Variants in PPIE observed in about 807,000 individuals in gnomAD.
The protein encoded by PPIE is peptidyl-prolyl cis-trans isomerase E.
A neutral mutation model predicts 38.4 loss-of-function variants in PPIE; 20 were observed. That is an observed-to-expected ratio of 0.52 (90% CI 0.37 to 0.76). The LOEUF is 0.76. Among genes scored for constraint, PPIE ranks in the 30% least tolerant of loss-of-function variants. The pLI is 0.00. For missense variants in PPIE, 322 were observed against 385.8 expected, an observed-to-expected ratio of 0.83 and a Z score of 1.39; for synonymous variants, 142 against 135.7, an observed-to-expected ratio of 1.05 and a Z score of -0.32.
rs751591550 is a variant in PPIE, at chr1:39,745,507, G to A, written c.508+9G>A. On this transcript the variant is annotated intron_variant, in intron 7 of 9. Transcript: ENST00000324379. ...CGTGCCCATGACAGCAGGTGAGCAG[G>A]ACGCTGTGGTCAGAACGGCGGGACG... is the stretch of plus-strand genomic sequence containing the variant. 2.5e-6 allele frequency: 4 copies of A among 1,614,094 alleles called. No homozygotes were observed. The highest frequency in any genetic ancestry group is 2.2e-5 in the East Asian group (1 of 44,900).
At position 39,755,616 on chromosome 1, in the gene PPIE, AGT is replaced by A; in HGVS notation, c.*2266_*2267del. 1.0e-6 allele frequency: 1 copy of A among 985,348 alleles called. No individual in the cohort carries two copies. The highest frequency in any genetic ancestry group is 1.2e-6 in the Non-Finnish European group (1 of 829,906). 61.0% of individuals were successfully genotyped at this position (985,348 alleles called of 1,614,324 possible). On this transcript the variant is annotated 3_prime_UTR_variant, in exon 10 of 10. Coordinates refer to ENST00000324379, the MANE Select transcript of PPIE (RefSeq NM_006112.4). ...AGTGCTTGGACGAGAACCAGGAGAG[AGT>A]GTGTAGAAAAAGCACAGCCAGCCTC...
chr1:39,755,337 T>C lies in PPIE; in HGVS notation c.*1982T>C. On this transcript the variant is annotated 3_prime_UTR_variant, in exon 10 of 10. Coordinates refer to ENST00000324379, the MANE Select transcript of PPIE (RefSeq NM_006112.4). ...CCCTAGGATAGCTCTTGCTGAGGGA[T>C]GGTGGCATTCTGCCCTACCTCTGGC... 2 of 985,462 alleles carry C rather than the reference T, an allele frequency of 2.0e-6. No homozygotes were observed. Among genetic ancestry groups the C allele is most frequent in the Non-Finnish European group, 2.4e-6 (2 of 829,936 alleles). The allele number at this position is 985,462 out of a possible 1,614,324, so 61.0% of individuals were successfully genotyped here.
chr1:39,760,443 C>T, downstream of PPIE: 1 of 1,614,112 alleles, frequency 6.2e-7, no homozygotes, highest in South Asian at 1.1e-5. Context: ...AGGCCTTGAC[C>T]ACCATGTTGC....
At chr1:39,760,379 A>G (rs1648770389), downstream of PPIE, 1 of 1,610,864 alleles carries the variant, frequency 6.2e-7, no homozygotes, top group Non-Finnish European at 8.5e-7. Context: ...GGCCCGATCC[A>G]GATGAGAAGG....
In PPIE at chr1:39,753,900, C is replaced by T. The variant is rs768379391; in HGVS notation, c.*545C>T. The T allele has an allele frequency of 4.6e-5, 45 of 985,320 alleles. No individual in the cohort carries two copies. The highest frequency in any genetic ancestry group is 5.2e-5 in the Non-Finnish European group (43 of 829,936). The allele number at this position is 985,320 out of a possible 1,614,324, so 61.0% of individuals were successfully genotyped here. On this transcript the variant is annotated 3_prime_UTR_variant, in exon 10 of 10. Transcript: ENST00000324379. ...ATGTCAGGGCAACGGAAATTAAAGA[C>T]TGGAAAGCTCCGGTCTTCTGCTGCC... is the stretch of plus-strand genomic sequence containing the variant.
chr1:39,741,033 A>G (rs1001988828), intron 2 of PPIE, among the ~76,000 whole-genome samples: 1 of 152,182 alleles, frequency 6.6e-6, no homozygotes, highest in African/African-American at 2.4e-5. Context: ...ATATATTTAG[A>G]TAGATAATTG....
chr1:39,743,098 A>G (rs1647102377), intron 4 of PPIE, 118 bp from the exon 5 acceptor site: 1 of 846,618 alleles, frequency 1.2e-6, no homozygotes, highest in African/African-American at 1.7e-5. Context: ...GCTTACTGGT[A>G]GAGGCCCAGG....
Position 39,753,743 on chromosome 1 carries a change from T to G in PPIE, c.*388T>G. On this transcript the variant is annotated 3_prime_UTR_variant, in exon 10 of 10. Transcript: ENST00000324379. The stretch of plus-strand genomic sequence containing the variant: ...TTCTTGGGAGTTGTCAGAGATTGTG[T>G]CTGTGGCTAAGCTGGACCTCTGAGG... 9.8e-7 allele frequency: 1 copy of G among 1,023,878 alleles called. No homozygotes were observed. The highest frequency in any genetic ancestry group is 1.2e-6 in the Non-Finnish European group (1 of 854,144). 63.4% of individuals were successfully genotyped at this position (1,023,878 alleles called of 1,614,324 possible).
intron 9 of PPIE, chr1:39,763,576 G>C: frequency 7.7e-7 from 1 of 1,305,052 alleles, no homozygotes; most frequent in Non-Finnish European, 1.0e-6. Context: ...TCTCACTTTA[G>C]AAAACTTGGA....
chr1:39,754,572 A>G lies in PPIE; in HGVS notation c.*1217A>G, dbSNP rs754043248. Among the ~76,000 whole-genome samples the G allele has an allele frequency of 1.3e-4, 20 of 152,184 alleles. No individual in the cohort carries two copies. Among genetic ancestry groups the G allele is most frequent in the Non-Finnish European group, 2.2e-4 (15 of 68,036 alleles). On this transcript the variant is annotated 3_prime_UTR_variant, in exon 10 of 10. Coordinates refer to ENST00000324379, the MANE Select transcript of PPIE (RefSeq NM_006112.4). ...ACTGACTTAAATATTAATCCATCTAAAAAATAGGCCAGGCATGGTGGCTCA... is the reference window on the plus strand; with the variant it reads ...ACTGACTTAAATATTAATCCATCTAGAAAATAGGCCAGGCATGGTGGCTCA...
At position 39,753,384 on chromosome 1, in the gene PPIE, C is replaced by T. The variant is rs1294275772; in HGVS notation, c.*29C>T. 1.2e-6 allele frequency: 2 copies of T among 1,609,176 alleles called. No homozygotes were observed. The highest frequency in any genetic ancestry group is 2.2e-5 in the South Asian group (2 of 90,232). ...GGCACTCTCTCTGCTTCCCCCTCCGCTCTTGACCCTGCATATCCAGGAAGG... is the reference window on the plus strand; with the variant it reads ...GGCACTCTCTCTGCTTCCCCCTCCGTTCTTGACCCTGCATATCCAGGAAGG... On this transcript the variant is annotated 3_prime_UTR_variant, in exon 10 of 10. Coordinates refer to ENST00000324379, the MANE Select transcript of PPIE (RefSeq NM_006112.4).
In PPIE at chr1:39,754,598, T is replaced by G. The variant is rs1251139609; in HGVS notation, c.*1243T>G. ...AAAATAGGCCAGGCATGGTGGCTCA[T>G]GCCTATAATTCCACCACTATTGGGA... On this transcript the variant is annotated 3_prime_UTR_variant, in exon 10 of 10. Coordinates refer to ENST00000324379, the MANE Select transcript of PPIE (RefSeq NM_006112.4). Among the ~76,000 whole-genome samples the G allele has an allele frequency of 6.6e-6, 1 of 152,134 alleles. No homozygotes were observed. The highest frequency in any genetic ancestry group is 2.4e-5 in the African/African-American group (1 of 41,440).
downstream of PPIE, among the ~76,000 whole-genome samples, chr1:39,756,876 A>G (rs956363988): frequency 3.1e-4 from 47 of 152,336 alleles, no homozygotes; most frequent in African/African-American, 1.1e-3. Flanking sequence ...GAAGTGAAAG[A>G]CATTTTTGAA....
intron 9 of PPIE, 47 bp from the exon 10 acceptor site, chr1:39,753,240 A>G (rs1411005463): frequency 6.2e-7 from 1 of 1,608,374 alleles, no homozygotes. Context: ...TCCCTAAACC[A>G]CTGTTAGTCT....
At chr1:39,752,462 C>T (rs1351110357) in intron 8 of PPIE, among the ~76,000 whole-genome samples, 1 of 152,220 alleles carries the variant, frequency 6.6e-6, no homozygotes, top group Non-Finnish European at 1.5e-5. Context: ...CACACACATA[C>T]ATACATGTAC....
intron 7 of PPIE, chr1:39,746,954 A>G (rs750969758): frequency 2.0e-5 from 3 of 152,226 alleles, no homozygotes; most frequent in Admixed American, 1.3e-4. Context: ...CTATTAAATA[A>G]TAACTCCCCA....
chr1:39,753,541 C>G lies in PPIE; in HGVS notation c.*186C>G, dbSNP rs1344821744. The G allele has an allele frequency of 2.1e-6, 3 of 1,402,476 alleles. No individual in the cohort carries two copies. The highest frequency in any genetic ancestry group is 1.6e-5 in the South Asian group (1 of 62,016). 86.9% of individuals were successfully genotyped at this position (1,402,476 alleles called of 1,614,324 possible). ...GCACAGCCTGGACTATTCCCAGGCA[C>G]AGCTGTGGGCCCAGGAGCCAGCTCA... On this transcript the variant is annotated 3_prime_UTR_variant, in exon 10 of 10. Transcript: ENST00000324379.
chr1:39,757,483 A>G (rs1360626639), downstream of PPIE: 1 of 152,232 alleles, frequency 6.6e-6, no homozygotes, highest in Non-Finnish European at 1.5e-5. Flanking sequence ...TCCCTGCCTC[A>G]GTTAGAAGTT....
At chr1:39,750,217 A>G (rs1647575188) in intron 8 of PPIE, among the ~76,000 whole-genome samples, 1 of 151,870 alleles carries the variant, frequency 6.6e-6, no homozygotes, top group Non-Finnish European at 1.5e-5. Flanking sequence ...ATCTTTTTTC[A>G]AGAAGTAAAA....
Sources: gnomAD v4.1 joint callset for allele counts (sites outside exome capture counted in the v4.1 genomes callset) on GRCh38, gnomAD v4.1.1 for gene constraint, MANE v1.5 for transcripts, NCBI Gene and HGNC (gene_info 2026-07-23, HGNC 2026-07-21) for gene names.